The following BAZ1B variants were observed in gnomAD, a reference collection of about 807,000 sequenced individuals.
BAZ1B encodes tyrosine-protein kinase BAZ1B.
BAZ1B carries 22 observed loss-of-function variants against 153.8 expected under a neutral mutation model. The ratio of observed to expected loss-of-function variants is 0.14; its 90% CI spans 0.10 to 0.20. The LOEUF is 0.20. Among genes scored for constraint, BAZ1B ranks in the 10% least tolerant of loss-of-function variants. The pLI is 1.00. For synonymous variants in BAZ1B, 676 were observed against 633.4 expected, an observed-to-expected ratio of 1.07 and a Z score of -1.01; for missense variants, 1,325 against 1,799.3, an observed-to-expected ratio of 0.74 and a Z score of 4.77.
At chr7:73,519,687 T>A (rs1436683976) in intron 1 of BAZ1B, among the ~76,000 whole-genome samples, 1 of 152,188 alleles carries the variant, frequency 6.6e-6, no homozygotes, top group African/African-American at 2.4e-5. Flanking sequence ...CAGTCCTAAA[T>A]TAACTTCCTA....
intron 16 of BAZ1B, among the ~76,000 whole-genome samples, chr7:73,445,029 AC>A (rs1245206139): frequency 0.16 from 1,817 of 11,580 alleles, 38 homozygotes; most frequent in East Asian, 0.48. Flanking sequence ...AAGAAAAAAA[AC>A]ACACACACAC....
At chr7:73,487,184 C>A (rs1554574595) in intron 6 of BAZ1B, among the ~76,000 whole-genome samples, 1 of 152,202 alleles carries the variant, frequency 6.6e-6, no homozygotes, top group African/African-American at 2.4e-5. Flanking sequence ...TAAGCCCCCA[C>A]TAGAAATTCT....
intron 1 of BAZ1B, among the ~76,000 whole-genome samples, chr7:73,518,556 C>G (rs1554579688): frequency 1.3e-5 from 2 of 152,050 alleles, no homozygotes; most frequent in African/African-American, 4.8e-5. Flanking sequence ...AACACATGCT[C>G]TAAGGCAGAC....
intron 1 of BAZ1B, among the ~76,000 whole-genome samples, chr7:73,519,439 C>A (rs1454760544): frequency 6.6e-6 from 1 of 152,166 alleles, no homozygotes. Flanking sequence ...CCTCAAAGTG[C>A]TTCCACTTGC....
chr7:73,521,778 C>CCCCGG (rs1554580259), intron 1 of BAZ1B, 49 bp downstream of exon 1: 2 of 1,448,398 alleles, frequency 1.4e-6, no homozygotes, highest in Non-Finnish European at 1.8e-6. Context: ...CCAGGCCCTA[C>CCCCGG]CCCGGCCCAG....
chr7:73,478,078 A>G lies in BAZ1B; in HGVS notation c.1383T>C (p.Pro461=), dbSNP rs782478031. Residue 461 remains proline (P), a synonymous_variant, in exon 7 of 20, where the codon CCT becomes CCC. Coordinates refer to ENST00000339594, the MANE Select transcript of BAZ1B (RefSeq NM_032408.4). ...GTTTATGAGGTTTACTAGAGGTCCT[A>G]GGTGTACCCCCAGAATTCCGTGGGG... ...TRAPRNSGGT[P]RTSSKPHKHL... is the part of the protein sequence containing the mutation. The G allele has an allele frequency of 6.2e-7, 1 of 1,614,202 alleles. No individual in the cohort carries two copies. The highest frequency in any genetic ancestry group is 8.5e-7 in the Non-Finnish European group (1 of 1,180,034).
chr7:73,492,022 G>A (rs1488584762), intron 5 of BAZ1B, among the ~76,000 whole-genome samples: 8 of 128,990 alleles, frequency 6.2e-5, no homozygotes, highest in African/African-American at 1.8e-4. Flanking sequence ...ACGGAGTCTC[G>A]CTCTATGTTG....
At chr7:73,502,685 G>T (rs1790182399) in intron 3 of BAZ1B, among the ~76,000 whole-genome samples, 1 of 152,200 alleles carries the variant, frequency 6.6e-6, no homozygotes, top group Non-Finnish European at 1.5e-5. Context: ...GATTGAGGTG[G>T]GAGGATGGCT....
intron 11 of BAZ1B, 133 bp from the exon 12 acceptor site, chr7:73,463,232 C>G (rs879995987): frequency 1.6e-6 from 1 of 638,504 alleles, no homozygotes; most frequent in Non-Finnish European, 2.4e-6. Flanking sequence ...GGTGTTTTTT[C>G]TTTTTTCTTT....
At chr7:73,489,475 G>A (rs1296822294) in intron 5 of BAZ1B, 84 bp from the exon 6 acceptor site, 8 of 1,420,622 alleles carry the variant, frequency 5.6e-6, no homozygotes, top group Non-Finnish European at 7.8e-6. Context: ...GTTCTCTCCA[G>A]AAAAATCAAA....
chr7:73,506,763 A>G lies in BAZ1B; in HGVS notation c.369+1564T>C, dbSNP rs549902320. Among the ~76,000 whole-genome samples, 153 of 147,240 alleles carry G rather than the reference A, an allele frequency of 1.0e-3. 1 individual carries two copies. Among genetic ancestry groups the G allele is most frequent in the African/African-American group, 3.7e-3 (149 of 40,066 alleles). ...CTACTCGGGAGGCTGAGGCAGGAGA[A>G]TCACTTGAACCAGGGAGGCGGAGGT... is the stretch of plus-strand genomic sequence containing the variant. On this transcript the variant is annotated intron_variant, in intron 3 of 19. Transcript: ENST00000339594.
rs887945536 is a variant in BAZ1B, at chr7:73,519,755, A to G, written c.107+2072T>C. Among the ~76,000 whole-genome samples, 17 of 152,254 alleles carry G rather than the reference A, an allele frequency of 1.1e-4. 1 individual carries two copies. The highest frequency in any genetic ancestry group is 3.6e-4 in the African/African-American group (15 of 41,552). On this transcript the variant is annotated intron_variant, in intron 1 of 19. Coordinates refer to ENST00000339594, the MANE Select transcript of BAZ1B (RefSeq NM_032408.4). ...TATACTTAGAAATTGTCTCTTCTCT[A>G]TGGCATGTTTCTTATACTCTGCTAG...
chr7:73,447,798 T>C (rs1218703163), intron 15 of BAZ1B, among the ~76,000 whole-genome samples: 3 of 152,246 alleles, frequency 2.0e-5, no homozygotes, highest in Non-Finnish European at 4.4e-5. Flanking sequence ...CAGACAGGTG[T>C]GACTTCACCT....
At chr7:73,460,328 T>C (rs1554570180) in intron 12 of BAZ1B, among the ~76,000 whole-genome samples, 1 of 152,082 alleles carries the variant, frequency 6.6e-6, no homozygotes, top group African/African-American at 2.4e-5. Context: ...GAGTGCCTAC[T>C]ATGTGTAAAA....
chr7:73,495,970 G>C (rs782232766), intron 4 of BAZ1B, among the ~76,000 whole-genome samples: 2 of 152,094 alleles, frequency 1.3e-5, no homozygotes, highest in Admixed American at 6.6e-5. Flanking sequence ...GTTTACCTAT[G>C]CAACAACCCT....
intron 3 of BAZ1B, among the ~76,000 whole-genome samples, chr7:73,500,220 C>T (rs1204894116): frequency 6.6e-6 from 1 of 152,152 alleles, no homozygotes; most frequent in East Asian, 1.9e-4. Context: ...CTAAAAACTG[C>T]TCTTCAAAAA....
Position 73,518,596 on chromosome 7 carries a change from C to T in BAZ1B, c.107+3231G>A, listed in dbSNP as rs549138109. ...TAGTGCGTGCCTGTAGTCCCAGCTA[C>T]TCTGGAGGCTGAGGCAGGAGGATCT... On this transcript the variant is annotated intron_variant, in intron 1 of 19. Coordinates refer to ENST00000339594, the MANE Select transcript of BAZ1B (RefSeq NM_032408.4). 5.9e-5 allele frequency among the ~76,000 whole-genome samples: 9 copies of T among 152,296 alleles called. No homozygotes were observed. The South Asian group carries it at 1.0e-3, about 18-fold the overall frequency.
intron 13 of BAZ1B, among the ~76,000 whole-genome samples, chr7:73,453,342 T>A (rs1788083229): frequency 6.6e-6 from 1 of 152,210 alleles, no homozygotes; most frequent in South Asian, 2.1e-4. Context: ...CACATTTTCC[T>A]CCCCAACTAA....
chr7:73,498,642 T>C lies in BAZ1B; in HGVS notation c.426A>G (p.Lys142=), dbSNP rs376082405. The change falls in exon 4 of 20, where the codon AAA becomes AAG. Residue 142 remains lysine (K), a synonymous_variant. Transcript: ENST00000339594. The part of the protein sequence containing the change: ...VKIVKIHPLE[K]VDEEATEKKS... ...TCTTCTCAGTGGCCTCTTCATCCAC[T>C]TTCTCCAAAGGATGAATCTTCACAA... The C allele has an allele frequency of 3.3e-5, 53 of 1,614,158 alleles. No individual in the cohort carries two copies. In the East Asian group the frequency reaches 3.8e-4, roughly 12 times the overall value.
Sources: gnomAD v4.1 joint callset for allele counts (sites outside exome capture counted in the v4.1 genomes callset) on GRCh38, gnomAD v4.1.1 for gene constraint, MANE v1.5 for transcripts, NCBI Gene and HGNC (gene_info 2026-07-23, HGNC 2026-07-21) for gene names.